CCND3: variants seen among roughly 807,000 people sequenced by gnomAD.
CCND3 encodes cyclin D3.
A neutral mutation model predicts 28.7 loss-of-function variants in CCND3; 9 were observed. That is an observed-to-expected ratio of 0.31 (90% CI 0.19 to 0.55). The LOEUF is 0.55. Ranked by LOEUF, CCND3 falls within the 20% of genes least tolerant of loss-of-function variation. CCND3 has a pLI of 0.93. For missense variants in CCND3, 315 were observed against 385.8 expected (o/e 0.82, Z 1.54); for synonymous variants, 164 against 163.9 (o/e 1.00, Z 0.00).
intron 1 of CCND3, among the ~76,000 whole-genome samples, chr6:42,017,695 G>C (rs1763563845): frequency 6.6e-6 from 1 of 152,002 alleles, no homozygotes; most frequent in Admixed American, 6.6e-5. Context: ...TATGGAAATA[G>C]TGTGATGACC....
upstream of CCND3, among the ~76,000 whole-genome samples, chr6:41,942,619 G>T (rs576430438): frequency 1.1e-4 from 16 of 152,236 alleles, no homozygotes; most frequent in East Asian, 1.7e-3. Flanking sequence ...ACTGTGGACG[G>T]AGAAACTAGA....
intron 1 of CCND3, among the ~76,000 whole-genome samples, chr6:41,993,682 G>A (rs373706214): frequency 1.3e-5 from 2 of 151,818 alleles, no homozygotes; most frequent in Admixed American, 6.6e-5. Context: ...AAAAAAGCTG[G>A]CTGGGTGCAG....
At chr6:42,008,251 G>A (rs1008009019) in intron 1 of CCND3, among the ~76,000 whole-genome samples, 4 of 151,950 alleles carry the variant, frequency 2.6e-5, no homozygotes, top group African/African-American at 4.8e-5. Context: ...TGGGGCGGGC[G>A]CCTGTAATCC....
At chr6:41,956,165 C>G (rs1776431386) in intron 1 of CCND3, among the ~76,000 whole-genome samples, 1 of 151,666 alleles carries the variant, frequency 6.6e-6, no homozygotes, top group Non-Finnish European at 1.5e-5. Context: ...GGTGGTGGGC[C>G]CCTGTAATCC....
At chr6:41,977,015 G>A (rs960102007) in intron 1 of CCND3, among the ~76,000 whole-genome samples, 2 of 152,126 alleles carry the variant, frequency 1.3e-5, no homozygotes, top group Non-Finnish European at 2.9e-5. Context: ...GTGCTGATCC[G>A]CCTACATCTT....
At chr6:42,023,141 G>A (rs1763761008) in intron 1 of CCND3, among the ~76,000 whole-genome samples, 2 of 152,216 alleles carry the variant, frequency 1.3e-5, no homozygotes, top group African/African-American at 2.4e-5. Context: ...CATGTTCCTG[G>A]CTGAGGTGGG....
At chr6:42,036,692 C>T (rs1764229427) in intron 1 of CCND3, among the ~76,000 whole-genome samples, 1 of 151,868 alleles carries the variant, frequency 6.6e-6, no homozygotes, top group South Asian at 2.1e-4. Flanking sequence ...GCATGAGCCA[C>T]TGTGCCTGGC....
At chr6:41,974,956 C>A (rs989403969) in intron 1 of CCND3, among the ~76,000 whole-genome samples, 2 of 151,922 alleles carry the variant, frequency 1.3e-5, no homozygotes, top group African/African-American at 4.8e-5. Flanking sequence ...CCACGCCCAG[C>A]TAATTTTTGT....
chr6:41,948,055 G>A (rs1318404710), intron 1 of CCND3, among the ~76,000 whole-genome samples: 4 of 152,070 alleles, frequency 2.6e-5, no homozygotes, highest in African/African-American at 9.7e-5. Flanking sequence ...TTCTGCCTCC[G>A]GATATCCACA....
intron 1 of CCND3, among the ~76,000 whole-genome samples, chr6:41,993,312 T>C (rs1762706517): frequency 6.6e-6 from 1 of 152,154 alleles, no homozygotes; most frequent in African/African-American, 2.4e-5. Context: ...CCTCACAGCA[T>C]AGATGATACC....
intron 1 of CCND3, among the ~76,000 whole-genome samples, chr6:41,963,348 T>C (rs1195296490): frequency 6.6e-6 from 1 of 152,250 alleles, no homozygotes; most frequent in African/African-American, 2.4e-5. Context: ...ACACACAGGT[T>C]GCCCACAGAG....
chr6:42,040,868 C>CAAAAAAAAAAAAAAA (rs142222742), intron 1 of CCND3, among the ~76,000 whole-genome samples: 1 of 122,544 alleles, frequency 8.2e-6, no homozygotes, highest in Non-Finnish European at 1.8e-5. Context: ...AACAAACAAA[C>CAAAAAAAAAAAAAAA]AAAAAAAAAA....
upstream of CCND3, among the ~76,000 whole-genome samples, chr6:41,945,726 T>C (rs945594826): frequency 1.3e-5 from 2 of 152,204 alleles, no homozygotes; most frequent in African/African-American, 4.8e-5. Context: ...CTCCACAGCT[T>C]ATGACTTTGA....
At chr6:42,022,838 G>A (rs1763751428) in intron 1 of CCND3, among the ~76,000 whole-genome samples, 1 of 152,202 alleles carries the variant, frequency 6.6e-6, no homozygotes, top group African/African-American at 2.4e-5. Context: ...TATACCACCA[G>A]GAGAGAGATG....
chr6:41,976,103 G>A (rs1232382979), intron 1 of CCND3, among the ~76,000 whole-genome samples: 1 of 152,100 alleles, frequency 6.6e-6, no homozygotes, highest in Non-Finnish European at 1.5e-5. Context: ...TGTAATCCCA[G>A]CACTTTGGGA....
At chr6:41,977,115 T>A (rs571271047) in intron 1 of CCND3, among the ~76,000 whole-genome samples, 16 of 152,188 alleles carry the variant, frequency 1.1e-4, no homozygotes, top group South Asian at 2.1e-4. Context: ...AATCTCAGGG[T>A]CAGAAAGGGG....
intron 1 of CCND3, among the ~76,000 whole-genome samples, chr6:42,041,818 G>T (rs1307111580): frequency 6.6e-6 from 1 of 152,204 alleles, no homozygotes; most frequent in African/African-American, 2.4e-5. Context: ...CAGACTGGGG[G>T]CCCTCTGCGC....
At chr6:41,988,362 C>T (rs1230686464) in intron 1 of CCND3, among the ~76,000 whole-genome samples, 1 of 152,080 alleles carries the variant, frequency 6.6e-6, no homozygotes, top group African/African-American at 2.4e-5. Context: ...CTTACAGCCG[C>T]TCACCATCTT....
intron 1 of CCND3, among the ~76,000 whole-genome samples, chr6:41,995,233 C>A (rs879622499): frequency 2.6e-5 from 4 of 152,058 alleles, no homozygotes; most frequent in Non-Finnish European, 5.9e-5. Flanking sequence ...CATCCCACAA[C>A]CACTCAGTTA....
Sources: allele counts gnomAD v4.1 joint callset (sites outside exome capture counted in the v4.1 genomes callset), GRCh38; gene constraint gnomAD v4.1.1; transcripts MANE v1.5; gene names NCBI Gene and HGNC (gene_info 2026-07-23, HGNC 2026-07-21).